The following COL24A1 variants were observed in gnomAD, a reference collection of about 807,000 sequenced individuals.
COL24A1 encodes collagen type XXIV alpha 1 chain, also known as collagen alpha-1(XXIV) chain.
A neutral mutation model predicts 253.9 loss-of-function variants in COL24A1; 224 were observed. The ratio of observed to expected loss-of-function variants is 0.88; its 90% CI spans 0.79 to 0.99. COL24A1 has a LOEUF of 0.99. Among genes scored for constraint, COL24A1 ranks in the 50% least tolerant of loss-of-function variants. The pLI is 0.00. For synonymous variants in COL24A1, 685 were observed against 673.7 expected, an observed-to-expected ratio of 1.02 and a Z score of -0.26; for missense variants, 2,131 against 2,068.5, an observed-to-expected ratio of 1.03 and a Z score of -0.59.
intron 58 of COL24A1, among the ~76,000 whole-genome samples, chr1:85,735,800 A>T (rs1347430099): frequency 2.0e-5 from 3 of 152,166 alleles, no homozygotes; most frequent in African/African-American, 7.2e-5. Context: ...TCATAATGTA[A>T]GTGAACAGAA....
intron 31 of COL24A1, among the ~76,000 whole-genome samples, chr1:85,893,477 A>T (rs1029706515): frequency 3.7e-4 from 56 of 152,132 alleles, no homozygotes; most frequent in African/African-American, 1.3e-3. Context: ...CTATCTAGAT[A>T]AAAAAAACCT....
chr1:86,001,065 A>T (rs1329597538), intron 19 of COL24A1, among the ~76,000 whole-genome samples: 5 of 152,180 alleles, frequency 3.3e-5, no homozygotes, highest in African/African-American at 4.8e-5. Flanking sequence ...CTATGTATTA[A>T]GGCAAGTGAT....
intron 53 of COL24A1, among the ~76,000 whole-genome samples, chr1:85,773,745 G>C (rs1243890038): frequency 6.6e-6 from 1 of 152,196 alleles, no homozygotes; most frequent in African/African-American, 2.4e-5. Flanking sequence ...TGCTGAAGTT[G>C]CTTATCAGCT....
chr1:86,133,333 T>C (rs929734318), intron 2 of COL24A1, among the ~76,000 whole-genome samples: 2 of 152,166 alleles, frequency 1.3e-5, no homozygotes, highest in Non-Finnish European at 2.9e-5. Context: ...CCTAATTGAA[T>C]ACCCTTTATT....
At chr1:86,028,098 A>G (rs1698221988) in intron 14 of COL24A1, among the ~76,000 whole-genome samples, 1 of 152,004 alleles carries the variant, frequency 6.6e-6, no homozygotes, top group Non-Finnish European at 1.5e-5. Context: ...CTGTACCCCC[A>G]TTGTATCTAG....
intron 4 of COL24A1, among the ~76,000 whole-genome samples, chr1:86,113,281 G>A (rs962815242): frequency 6.6e-6 from 1 of 152,028 alleles, no homozygotes; most frequent in African/African-American, 2.4e-5. Context: ...AAACTTAAGC[G>A]CATACAACCA....
At chr1:85,932,370 A>T (rs1484552843) in intron 24 of COL24A1, among the ~76,000 whole-genome samples, 248 of 58,948 alleles carry the variant, frequency 4.2e-3, no homozygotes, top group Middle Eastern at 7.1e-3. Context: ...AGAAATGCAA[A>T]TCAAAACCAC....
intron 7 of COL24A1, among the ~76,000 whole-genome samples, chr1:86,087,993 C>G (rs1703193042): frequency 6.6e-6 from 1 of 152,090 alleles, no homozygotes; most frequent in Admixed American, 6.6e-5. Context: ...AGCACTATAG[C>G]AGGGGTTATG....
At chr1:86,099,712 A>C (rs1238047087) in intron 5 of COL24A1, among the ~76,000 whole-genome samples, 1 of 152,122 alleles carries the variant, frequency 6.6e-6, no homozygotes, top group East Asian at 1.9e-4. Flanking sequence ...CTCAACTGCT[A>C]ATACCTTTAT....
At chr1:86,106,276 T>C (rs1036609111) in intron 5 of COL24A1, among the ~76,000 whole-genome samples, 3 of 151,956 alleles carry the variant, frequency 2.0e-5, no homozygotes, top group Non-Finnish European at 4.4e-5. Flanking sequence ...AGCACTAAGA[T>C]ACTACTCTTT....
chr1:85,730,609 T>A lies in COL24A1; in HGVS notation c.5082A>T (p.Lys1694Asn). ...TTCGTTCAGTTTTGAGATGAGGAAG[T>A]TTTTGTACTTCAATCACTGGAAGTT... Reference protein sequence around the residue: ...PNQLPVIEVQKLPHLKTERKY... With the variant: ...PNQLPVIEVQNLPHLKTERKY... Residue 1694 changes from lysine (K) to asparagine (N), a missense_variant, in exon 60 of 60, where the codon AAA (lysine) becomes AAT (asparagine). Physicochemically the swap from Lys to Asn is moderately conservative, Grantham distance 94 (BLOSUM62 0). Transcript: ENST00000370571. 4 of 1,613,972 alleles carry A rather than the reference T, an allele frequency of 2.5e-6. No homozygotes were observed. In the South Asian group the frequency reaches 4.4e-5, roughly 18 times the overall value.
At chr1:85,825,548 A>C (rs1674198056) in intron 43 of COL24A1, among the ~76,000 whole-genome samples, 1 of 151,836 alleles carries the variant, frequency 6.6e-6, no homozygotes, top group Non-Finnish European at 1.5e-5. Context: ...CAACAGTGTA[A>C]AAGTGTTCCT....
At chr1:86,123,716 T>A (rs1572000459) in intron 3 of COL24A1, among the ~76,000 whole-genome samples, 1 of 152,040 alleles carries the variant, frequency 6.6e-6, no homozygotes, top group African/African-American at 2.4e-5. Flanking sequence ...ATGACCAATA[T>A]GTTGATAATT....
At chr1:85,971,711 A>G (rs976444602) in intron 20 of COL24A1, among the ~76,000 whole-genome samples, 3 of 152,236 alleles carry the variant, frequency 2.0e-5, no homozygotes, top group Non-Finnish European at 2.9e-5. Flanking sequence ...ATAAGAGTAC[A>G]GTAAACCGAA....
chr1:85,822,387 T>G (rs1360038308), intron 45 of COL24A1, among the ~76,000 whole-genome samples: 1 of 152,200 alleles, frequency 6.6e-6, no homozygotes, highest in African/African-American at 2.4e-5. Context: ...TAGTGCATTT[T>G]CTTAAGAATT....
intron 48 of COL24A1, among the ~76,000 whole-genome samples, chr1:85,785,970 T>C (rs1278509443): frequency 6.6e-6 from 1 of 152,196 alleles, no homozygotes; most frequent in Non-Finnish European, 1.5e-5. Context: ...ATTAATTAAT[T>C]GGTTGGTTAG....
intron 5 of COL24A1, among the ~76,000 whole-genome samples, chr1:86,094,403 A>C (rs1454769512): frequency 6.6e-6 from 1 of 152,108 alleles, no homozygotes; most frequent in African/African-American, 2.4e-5. Context: ...CAGAAAACCA[A>C]ATACCACATA....
At chr1:86,124,182 C>T (rs1647854628) in intron 3 of COL24A1, among the ~76,000 whole-genome samples, 1 of 151,238 alleles carries the variant, frequency 6.6e-6, no homozygotes, top group Admixed American at 6.6e-5. Flanking sequence ...AGTTTATTAT[C>T]TCACAGTTTT....
intron 20 of COL24A1, among the ~76,000 whole-genome samples, chr1:85,986,059 T>C (rs1003989233): frequency 6.6e-6 from 1 of 151,884 alleles, no homozygotes; most frequent in South Asian, 2.1e-4. Flanking sequence ...GTTCAAGTGC[T>C]ATCTTCCCTG....
Sources: allele counts gnomAD v4.1 joint callset (sites outside exome capture counted in the v4.1 genomes callset), GRCh38; gene constraint gnomAD v4.1.1; transcripts MANE v1.5; gene names NCBI Gene and HGNC (gene_info 2026-07-23, HGNC 2026-07-21).